DMXL1: variants seen among roughly 807,000 people sequenced by gnomAD.
The protein encoded by DMXL1 is dmX-like protein 1.
DMXL1 carries 99 observed loss-of-function variants against 319.2 expected under a neutral mutation model. That is an observed-to-expected ratio of 0.31 (90% CI 0.26 to 0.37). The LOEUF is 0.37. DMXL1 is among the 10% of genes least tolerant of loss of function. DMXL1 has a pLI of 1.00. For missense variants in DMXL1, 3,745 were observed against 3,595.6 expected (o/e 1.04, Z -1.06); for synonymous variants, 1,385 against 1,235.2 (o/e 1.12, Z -2.54).
At chr5:119,125,034 G>T (rs1371750162) in intron 9 of DMXL1, among the ~76,000 whole-genome samples, 1 of 152,034 alleles carries the variant, frequency 6.6e-6, no homozygotes, top group East Asian at 1.9e-4. Flanking sequence ...TATGACCTAG[G>T]ACATATAATT....
At chr5:119,167,263 C>T (rs1773622631) in intron 22 of DMXL1, among the ~76,000 whole-genome samples, 1 of 152,044 alleles carries the variant, frequency 6.6e-6, no homozygotes, top group Non-Finnish European at 1.5e-5. Context: ...AGACTAAAGT[C>T]TCCAGGGGCG....
Position 119,151,856 on chromosome 5 carries a change from T to G in DMXL1, c.4595-73T>G, listed in dbSNP as rs1036486168. On this transcript the variant is annotated intron_variant, in intron 18 of 43. Coordinates refer to ENST00000539542, the MANE Select transcript of DMXL1 (RefSeq NM_001290321.3). ...TTTCTTGGTCAGGTTAAGAATGTTATATGCCTATATTGGGTGTTCTTTTGC... is the reference window on the plus strand; with the variant it reads ...TTTCTTGGTCAGGTTAAGAATGTTAGATGCCTATATTGGGTGTTCTTTTGC... 4 of 858,014 alleles carry G rather than the reference T, an allele frequency of 4.7e-6. No homozygotes were observed. In the African/African-American group the frequency reaches 5.1e-5, roughly 11 times the overall value. The allele number at this position is 858,014 out of a possible 1,614,324, so 53.2% of individuals were successfully genotyped here.
intron 32 of DMXL1, among the ~76,000 whole-genome samples, chr5:119,202,633 C>T (rs1314747441): frequency 6.6e-6 from 1 of 151,868 alleles, no homozygotes; most frequent in Non-Finnish European, 1.5e-5. Context: ...GGGTGGATCA[C>T]CTGAGGTCAG....
intron 37 of DMXL1, among the ~76,000 whole-genome samples, chr5:119,223,487 A>C (rs1785001416): frequency 6.6e-6 from 1 of 152,200 alleles, no homozygotes; most frequent in South Asian, 2.1e-4. Flanking sequence ...AAATGTGTTT[A>C]TACTCCAAAG....
intron 37 of DMXL1, among the ~76,000 whole-genome samples, chr5:119,223,704 A>G (rs1323890400): frequency 6.6e-6 from 1 of 152,106 alleles, no homozygotes; most frequent in South Asian, 2.1e-4. Flanking sequence ...GATTTTACAT[A>G]TTTTACATAT....
At chr5:119,159,493 G>A (rs766732706) in intron 19 of DMXL1, among the ~76,000 whole-genome samples, 2 of 152,196 alleles carry the variant, frequency 1.3e-5, no homozygotes, top group Non-Finnish European at 2.9e-5. Context: ...CAGGTTGTCT[G>A]TGTCTAGGAA....
chr5:119,089,290 ATATTTTTTTTTT>A (rs1754109605), intron 1 of DMXL1, among the ~76,000 whole-genome samples: 1 of 27,040 alleles, frequency 3.7e-5, no homozygotes, highest in Non-Finnish European at 6.8e-5. Context: ...ATATATATAT[ATATTTTTTTTTT>A]TTTTTTTTTT....
chr5:119,123,441 G>GAGAGGAGGGAGAGGC (rs1762759906), intron 9 of DMXL1, among the ~76,000 whole-genome samples: 1 of 137,136 alleles, frequency 7.3e-6, no homozygotes, highest in African/African-American at 2.8e-5. Context: ...GAGGGAGAGG[G>GAGAGGAGGGAGAGGC]AGAGGAGGGA....
At position 119,166,620 on chromosome 5, in the gene DMXL1, GA is replaced by G. The variant is rs1029723468; in HGVS notation, c.4982del (p.Asn1661ThrfsTer4). ...KAVIWGLYRA[E>X]KNTRMTQFFG... ...ACCATTTTTTTTCCTTTATAGAGCT[GA>G]AAAAAACACCAGGATGACACAGTTT... is the stretch of plus-strand genomic sequence containing the variant. On this transcript the variant is annotated frameshift_variant, in exon 22 of 44. Transcript: ENST00000539542. LOFTEE classifies it high-confidence loss of function. The G allele has an allele frequency of 3.1e-6, 5 of 1,601,836 alleles. No individual in the cohort carries two copies. Among genetic ancestry groups the G allele is most frequent in the Non-Finnish European group, 4.3e-6 (5 of 1,176,366 alleles).
In DMXL1 at chr5:119,220,562, G is replaced by T. The variant is rs774524670; in HGVS notation, c.8104G>T (p.Val2702Leu). The T allele has an allele frequency of 6.2e-7, 1 of 1,613,870 alleles. No homozygotes were observed. Among genetic ancestry groups the T allele is most frequent in the East Asian group, 2.2e-5 (1 of 44,830 alleles). Reference sequence around the variant, plus strand: ...TCTGGCCACACAGGTCTACACTTGGGTAGATGATGATATAGAAGTGGAAAC... The same window carrying T: ...TCTGGCCACACAGGTCTACACTTGGTTAGATGATGATATAGAAGTGGAAAC... The part of the protein sequence containing the change: ...GILATQVYTW[V>L]DDDIEVETKG... The change falls in exon 36 of 44, where the codon GTA (valine) becomes TTA (leucine). Residue 2702 changes from valine (V) to leucine (L), a missense_variant. Val to Leu is a conservative substitution (Grantham distance 32). Coordinates refer to ENST00000539542, the MANE Select transcript of DMXL1 (RefSeq NM_001290321.3).
intron 26 of DMXL1, among the ~76,000 whole-genome samples, chr5:119,176,665 G>A (rs554422180): frequency 6.6e-6 from 1 of 152,060 alleles, no homozygotes; most frequent in African/African-American, 2.4e-5. Flanking sequence ...CTATATTTAA[G>A]TATATTCATG....
rs1224131346 is a variant in DMXL1 at position 119,128,686 on chromosome 5, G to C, written c.1103-525G>C. On this transcript the variant is annotated intron_variant, in intron 9 of 43. Transcript: ENST00000539542. Reference sequence around the variant, plus strand: ...GTAGTGGATGTTGATAATGTGGGAGGCTATGCATATGTAGGATGGGGAATA... The same window carrying C: ...GTAGTGGATGTTGATAATGTGGGAGCCTATGCATATGTAGGATGGGGAATA... Among the ~76,000 whole-genome samples the C allele has an allele frequency of 2.6e-5, 4 of 152,054 alleles. No homozygotes were observed. In the South Asian group the frequency reaches 6.2e-4, roughly 24 times the overall value.
intron 1 of DMXL1, among the ~76,000 whole-genome samples, chr5:119,094,253 C>T (rs1755436324): frequency 6.6e-6 from 1 of 152,254 alleles, no homozygotes; most frequent in Non-Finnish European, 1.5e-5. Context: ...GGGGCTAATG[C>T]AGTTGGTAAC....
chr5:119,217,465 A>C (rs572667091), intron 35 of DMXL1, among the ~76,000 whole-genome samples: 1 of 152,052 alleles, frequency 6.6e-6, no homozygotes, highest in African/African-American at 2.4e-5. Context: ...ATGTCTATAC[A>C]CTCCTCACAG....
At chr5:119,100,027 A>G (rs965592886) in intron 2 of DMXL1, among the ~76,000 whole-genome samples, 1 of 151,910 alleles carries the variant, frequency 6.6e-6, no homozygotes, top group African/African-American at 2.4e-5. Context: ...AAGAGGAATT[A>G]AGAAGTCATT....
At position 119,129,238 on chromosome 5, in the gene DMXL1, C is replaced by G. The variant is rs1764277327; in HGVS notation, c.1130C>G (p.Ser377Cys). The change falls in exon 10 of 44, where the codon TCT becomes TGT. Residue 377 changes from serine (S) to cysteine (C), a missense_variant. Physicochemically the swap from Ser to Cys is moderately radical, Grantham distance 112 (BLOSUM62 -1). Transcript: ENST00000539542. ...TDIPLLPSIT[S>C]LSLNENEEKT... ...ATTCCACTTCTTCCATCTATTACAT[C>G]TCTGAGTCTAAATGAAAATGAAGAG... The G allele has an allele frequency of 6.2e-7, 1 of 1,612,432 alleles. No individual in the cohort carries two copies. Among genetic ancestry groups the G allele is most frequent in the Non-Finnish European group, 8.5e-7 (1 of 1,178,978 alleles).
chr5:119,220,302 C>G (rs189678094), intron 35 of DMXL1, among the ~76,000 whole-genome samples, 170 bp from the exon 36 acceptor site: 144 of 152,232 alleles, frequency 9.5e-4, no homozygotes, highest in Admixed American at 2.2e-3. Context: ...AGAACATAAA[C>G]GTATCTCCAA....
chr5:119,230,199 C>G (rs1222451529), intron 38 of DMXL1, among the ~76,000 whole-genome samples: 1 of 152,000 alleles, frequency 6.6e-6, no homozygotes, highest in East Asian at 1.9e-4. Flanking sequence ...ACTAGTAAGC[C>G]TAAGTAAAAT....
chr5:119,185,704 T>A (rs1777589876), intron 28 of DMXL1, among the ~76,000 whole-genome samples: 1 of 151,890 alleles, frequency 6.6e-6, no homozygotes, highest in South Asian at 2.1e-4. Flanking sequence ...GGTTTTGCCA[T>A]TTTGGCCTGG....
Sources: gnomAD v4.1 joint callset for allele counts (sites outside exome capture counted in the v4.1 genomes callset) on GRCh38, gnomAD v4.1.1 for gene constraint, MANE v1.5 for transcripts, NCBI Gene and HGNC (gene_info 2026-07-23, HGNC 2026-07-21) for gene names.